The following NCOR2 variants were observed in gnomAD, a reference collection of about 807,000 sequenced individuals.
NCOR2 encodes CTG repeat protein 26.
A neutral mutation model predicts 262.9 loss-of-function variants in NCOR2; 81 were observed. That is an observed-to-expected ratio of 0.31 (90% CI 0.26 to 0.37). The LOEUF is 0.37. Among genes scored for constraint, NCOR2 ranks in the 10% least tolerant of loss-of-function variants. The pLI is 1.00. For synonymous variants in NCOR2, 1,659 were observed against 1,559.3 expected (o/e 1.06, Z -1.51); for missense variants, 3,385 against 3,621.4 (o/e 0.93, Z 1.68).
intron 1 of NCOR2, among the ~76,000 whole-genome samples, chr12:124,524,787 T>C (rs1016304090): frequency 3.3e-5 from 5 of 152,316 alleles, no homozygotes; most frequent in Admixed American, 2.0e-4. Context: ...AATTCAGCTC[T>C]TGCCTCACCC....
At chr12:124,337,090 G>A in exon 38 of NCOR2, 1 of 1,512,032 alleles carries the variant, frequency 6.6e-7, no homozygotes, top group South Asian at 1.3e-5. Context: ...TGAGGGTAGG[G>A]TAGACCCCAT....
chr12:124,490,763 C>A (rs1413712086), intron 1 of NCOR2, among the ~76,000 whole-genome samples: 2 of 152,228 alleles, frequency 1.3e-5, no homozygotes, highest in Non-Finnish European at 2.9e-5. Flanking sequence ...CAGTACTACT[C>A]CACCAAAGGT....
At chr12:124,501,081 C>T in intron 1 of NCOR2, among the ~76,000 whole-genome samples, 1 of 142,010 alleles carries the variant, frequency 7.0e-6, no homozygotes, top group Non-Finnish European at 1.6e-5. Context: ...CACACACACA[C>T]ACACACACAC....
chr12:124,510,999 C>A (rs1270496611), intron 1 of NCOR2, among the ~76,000 whole-genome samples: 1 of 152,246 alleles, frequency 6.6e-6, no homozygotes, highest in Non-Finnish European at 1.5e-5. Context: ...AAGAGTCACA[C>A]CTTTGTGTCC....
chr12:124,372,388 G>T lies in NCOR2; in HGVS notation c.2441C>A (p.Ser814Ter). 1 of 1,507,154 alleles carries T rather than the reference G, an allele frequency of 6.6e-7. No homozygotes were observed. 93.4% of individuals were successfully genotyped at this position (1,507,154 alleles called of 1,614,324 possible). Reference sequence around the variant, plus strand: ...GACCACAGGAGGAGGTGCAGAGGGCGATGGGGGTGCTGGTGGGGGCGTAGG... The same window carrying T: ...GACCACAGGAGGAGGTGCAGAGGGCTATGGGGGTGCTGGTGGGGGCGTAGG... Residue 814 changes from serine to a stop codon, truncating the protein, a stop_gained, in exon 20 of 47, where the codon TCG (serine) becomes TAG (stop). Transcript: ENST00000405201. LOFTEE classifies it high-confidence loss of function.
chr12:124,335,725 G>C, intron 38 of NCOR2, 93 bp from the exon 41 acceptor site: 1 of 1,388,280 alleles, frequency 7.2e-7, no homozygotes. Flanking sequence ...TGGGACCCCG[G>C]GGGGGTCAAG....
At chr12:124,413,096 C>T (rs2042674068) in intron 13 of NCOR2, among the ~76,000 whole-genome samples, 1 of 152,248 alleles carries the variant, frequency 6.6e-6, no homozygotes, top group African/African-American at 2.4e-5. Context: ...GATCCCACCA[C>T]AGCCTCCATT....
intron 5 of NCOR2, among the ~76,000 whole-genome samples, chr12:124,459,331 C>T (rs2046043273): frequency 1.3e-5 from 2 of 152,122 alleles, no homozygotes; most frequent in Non-Finnish European, 2.9e-5. Context: ...CAGGGAGCCC[C>T]ACCTCCTCCT....
intron 3 of NCOR2, among the ~76,000 whole-genome samples, chr12:124,477,274 T>C (rs1037236965): frequency 1.3e-5 from 2 of 152,128 alleles, no homozygotes; most frequent in Non-Finnish European, 1.5e-5. Context: ...GATCTGATGG[T>C]TTATAAGGGG....
intron 18 of NCOR2, among the ~76,000 whole-genome samples, chr12:124,375,120 C>T (rs904509546): frequency 1.3e-5 from 2 of 152,226 alleles, no homozygotes; most frequent in Non-Finnish European, 2.9e-5. Context: ...ACAGGTTAAT[C>T]AGCTTGCCCA....
In NCOR2 at chr12:124,454,480, A is replaced by G. The variant is rs1212780343; in HGVS notation, c.762+2626T>C. On this transcript the variant is annotated intron_variant, in intron 6 of 46. Transcript: ENST00000405201. The surrounding 1 kb of genome is among the most constrained non-coding windows in gnomAD (Gnocchi z 5.6). ...CTGACACCAGCAGCTGCCCACCCCCATCTGCCCACAGACTCCCACGGACAG... is the reference window on the plus strand; with the variant it reads ...CTGACACCAGCAGCTGCCCACCCCCGTCTGCCCACAGACTCCCACGGACAG... 6.6e-6 allele frequency among the ~76,000 whole-genome samples: 1 copy of G among 151,998 alleles called. No individual in the cohort carries two copies. The highest frequency in any genetic ancestry group is 1.9e-4 in the East Asian group (1 of 5,186).
chr12:124,329,157 A>G (rs1180242101), intron 44 of NCOR2: 1 of 469,810 alleles, frequency 2.1e-6, no homozygotes, highest in Non-Finnish European at 4.4e-6. Context: ...GTGGACTAAA[A>G]CTGCATAAAA....
At chr12:124,497,792 C>G (rs2048452864), upstream of NCOR2, among the ~76,000 whole-genome samples, 1 of 152,222 alleles carries the variant, frequency 6.6e-6, no homozygotes, top group Non-Finnish European at 1.5e-5. The surrounding 1 kb of genome is among the most constrained non-coding windows in gnomAD (Gnocchi z 4.2). Flanking sequence ...CCAGGACTGT[C>G]AATGATGCAG....
chr12:124,460,490 A>T (rs538825062), intron 5 of NCOR2, among the ~76,000 whole-genome samples: 2 of 152,340 alleles, frequency 1.3e-5, no homozygotes, highest in African/African-American at 4.8e-5. Context: ...GGTTGAGGGC[A>T]GTGGGCACTT....
intron 22 of NCOR2, among the ~76,000 whole-genome samples, chr12:124,361,728 G>T (rs578100966): frequency 6.6e-6 from 1 of 152,346 alleles, no homozygotes; most frequent in South Asian, 2.1e-4. Context: ...GATTCACACC[G>T]AATCAGAGGC....
At chr12:124,384,742 C>T (rs2040666003) in intron 17 of NCOR2, among the ~76,000 whole-genome samples, 1 of 152,110 alleles carries the variant, frequency 6.6e-6, no homozygotes, top group Admixed American at 6.5e-5. Context: ...TTCAGCATGG[C>T]CTGCCCGGAA....
Position 124,378,148 on chromosome 12 carries a change from G to A in NCOR2, c.2167+89C>T. On this transcript the variant is annotated intron_variant, in intron 18 of 46. Coordinates refer to ENST00000405201, the Ensembl canonical transcript of NCOR2. The surrounding 1 kb of genome is among the most constrained non-coding windows in gnomAD (Gnocchi z 4.2). ...GAGGACCCAGATGACTCAGGGGAGA[G>A]GAGGCTGCCGGGATCAGTTCCCGCT... 1.3e-6 allele frequency: 2 copies of A among 1,539,668 alleles called. No individual in the cohort carries two copies. The highest frequency in any genetic ancestry group is 2.7e-5 in the African/African-American group (2 of 72,988).
At chr12:124,556,564 A>G (rs1430296054) in intron 1 of NCOR2, 1 of 152,260 alleles carries the variant, frequency 6.6e-6, no homozygotes, top group Non-Finnish European at 1.5e-5. Context: ...GCAATTTTCA[A>G]TATGAAAATA....
chr12:124,343,284 G>T lies in NCOR2; in HGVS notation c.4715-58C>A. On this transcript the variant is annotated intron_variant, in intron 32 of 46. Coordinates refer to ENST00000405201, the Ensembl canonical transcript of NCOR2. ...CTGGGGCTGGCATTTACGGGGAGTT[G>T]TTTGAGGATAGGGACCTCGGGATCC... 3.4e-6 allele frequency: 5 copies of T among 1,482,310 alleles called. No individual in the cohort carries two copies. The South Asian group carries it at 3.6e-5, about 11-fold the overall frequency. 91.8% of individuals were successfully genotyped at this position (1,482,310 alleles called of 1,614,324 possible).
Sources: gnomAD v4.1 joint callset for allele counts (sites outside exome capture counted in the v4.1 genomes callset) on GRCh38, gnomAD v4.1.1 for gene constraint, Gnocchi (gnomAD v3.1) non-coding constraint, MANE v1.5 for transcripts, NCBI Gene and HGNC (gene_info 2026-07-23, HGNC 2026-07-21) for gene names.